CCDC148: variants seen among roughly 807,000 people sequenced by gnomAD.
CCDC148 encodes coiled-coil domain-containing protein 148.
Under a neutral mutation model 85.7 loss-of-function variants are expected in CCDC148, and 89 were observed. That is an observed-to-expected ratio of 1.04 (90% CI 0.87 to 1.24). The LOEUF (loss-of-function observed/expected upper bound fraction) is 1.24, where lower values mean the gene tolerates loss of function less well. CCDC148 is among the 50% of genes most tolerant of loss of function. CCDC148 has a pLI of 0.00. For synonymous variants in CCDC148, 230 were observed against 213.9 expected, an observed-to-expected ratio of 1.08 and a Z score of -0.66; for missense variants, 692 against 671.7, an observed-to-expected ratio of 1.03 and a Z score of -0.33.
chr2:158,311,650 T>C (rs1692025617), intron 8 of CCDC148, among the ~76,000 whole-genome samples: 1 of 152,238 alleles, frequency 6.6e-6, no homozygotes, highest in Admixed American at 6.5e-5. Context: ...TACATCAGTT[T>C]TGGTATTTTA....
chr2:158,280,410 C>G (rs1348375903), intron 9 of CCDC148, among the ~76,000 whole-genome samples: 2 of 151,714 alleles, frequency 1.3e-5, no homozygotes, highest in African/African-American at 2.4e-5. Context: ...CACACAGGCT[C>G]AAAATAAAGG....
At chr2:158,251,204 T>C (rs769235320) in intron 9 of CCDC148, among the ~76,000 whole-genome samples, 2 of 151,792 alleles carry the variant, frequency 1.3e-5, no homozygotes, top group Non-Finnish European at 2.9e-5. Context: ...TTCTCATAAA[T>C]AGTAAGTAAA....
chr2:158,212,275 G>A (rs964797802), intron 11 of CCDC148, among the ~76,000 whole-genome samples: 2 of 152,172 alleles, frequency 1.3e-5, no homozygotes, highest in Non-Finnish European at 2.9e-5. Context: ...ATCTCATGCT[G>A]AGAAGCAAAA....
At chr2:158,198,197 C>A (rs1167321920) in intron 11 of CCDC148, among the ~76,000 whole-genome samples, 1 of 152,124 alleles carries the variant, frequency 6.6e-6, no homozygotes, top group Non-Finnish European at 1.5e-5. Context: ...CCTGGCACCC[C>A]CTACCTGGTT....
chr2:158,403,550 C>A (rs1275652658), intron 1 of CCDC148, among the ~76,000 whole-genome samples: 1 of 151,990 alleles, frequency 6.6e-6, no homozygotes, highest in Non-Finnish European at 1.5e-5. Context: ...GTTCAGAAAC[C>A]TGACAGAGAG....
intron 11 of CCDC148, among the ~76,000 whole-genome samples, chr2:158,187,999 G>A (rs1265314756): frequency 6.6e-6 from 1 of 151,958 alleles, no homozygotes; most frequent in Non-Finnish European, 1.5e-5. Context: ...ATCTTCTTGT[G>A]CAAAGTTAGG....
At chr2:158,237,796 C>T (rs545728110) in intron 10 of CCDC148, among the ~76,000 whole-genome samples, 1 of 152,058 alleles carries the variant, frequency 6.6e-6, no homozygotes, top group Non-Finnish European at 1.5e-5. Context: ...AGAGGACTGA[C>T]CCCCACCCTG....
intron 11 of CCDC148, among the ~76,000 whole-genome samples, chr2:158,200,035 T>C (rs980217487): frequency 7.2e-5 from 11 of 152,142 alleles, no homozygotes; most frequent in Non-Finnish European, 7.3e-5. Flanking sequence ...TCACAGATCA[T>C]TGTGATGGCA....
chr2:158,340,322 C>T lies in CCDC148; in HGVS notation c.406G>A (p.Asp136Asn). 6.2e-7 allele frequency: 1 copy of T among 1,613,916 alleles called. No homozygotes were observed. ...VINPIQQLRADLKYRQHHTLQ... is the reference protein window; with the variant it reads ...VINPIQQLRANLKYRQHHTLQ... The stretch of plus-strand genomic sequence containing the variant: ...GTGTGATGCTGTCTGTATTTTAGAT[C>T]TGCTCTCAGCTGCTGAATAGGATTT... Residue 136 changes from aspartate to asparagine, a missense_variant, in exon 5 of 14, where the codon GAT becomes AAT. By Grantham distance (23) the Asp-to-Asn change is conservative. Coordinates refer to ENST00000283233, the MANE Select transcript of CCDC148 (RefSeq NM_138803.4).
chr2:158,219,464 G>A (rs1687058682), intron 11 of CCDC148, among the ~76,000 whole-genome samples: 1 of 152,134 alleles, frequency 6.6e-6, no homozygotes, highest in Non-Finnish European at 1.5e-5. Context: ...GCTGCTTGAA[G>A]GACACTGTAG....
intron 13 of CCDC148, among the ~76,000 whole-genome samples, chr2:158,173,524 T>C (rs1684417061): frequency 6.6e-6 from 1 of 152,064 alleles, no homozygotes; most frequent in African/African-American, 2.4e-5. Context: ...AGAGAGTGGT[T>C]AGGAATTTAC....
At chr2:158,433,640 G>A (rs2105334929) in intron 1 of CCDC148, among the ~76,000 whole-genome samples, 1 of 152,272 alleles carries the variant, frequency 6.6e-6, no homozygotes, top group African/African-American at 2.4e-5. Flanking sequence ...GACAGTGGGT[G>A]CAGCACACCA....
chr2:158,348,672 A>G (rs1375051570), intron 2 of CCDC148, among the ~76,000 whole-genome samples: 1 of 152,016 alleles, frequency 6.6e-6, no homozygotes, highest in Non-Finnish European at 1.5e-5. Context: ...ATTTGCTTCA[A>G]AACAATCTGG....
At chr2:158,212,435 A>T (rs1038409329) in intron 11 of CCDC148, among the ~76,000 whole-genome samples, 1 of 152,224 alleles carries the variant, frequency 6.6e-6, no homozygotes, top group African/African-American at 2.4e-5. Context: ...TTAAGAAAAG[A>T]CATGGAAAAT....
chr2:158,210,123 C>G (rs531036706), intron 11 of CCDC148, among the ~76,000 whole-genome samples: 18 of 152,120 alleles, frequency 1.2e-4, no homozygotes, highest in African/African-American at 4.3e-4. Flanking sequence ...GAATATTTAC[C>G]AAGCAAATGG....
chr2:158,400,784 G>C (rs1008836230), intron 1 of CCDC148, among the ~76,000 whole-genome samples: 1 of 151,992 alleles, frequency 6.6e-6, no homozygotes, highest in African/African-American at 2.4e-5. Flanking sequence ...CTACAGAATG[G>C]GAGAAAATTT....
intron 9 of CCDC148, among the ~76,000 whole-genome samples, chr2:158,269,985 A>G (rs1466661634): frequency 1.3e-5 from 2 of 152,152 alleles, no homozygotes; most frequent in Non-Finnish European, 2.9e-5. Flanking sequence ...AAGGAACACA[A>G]GTATGCATTT....
intron 10 of CCDC148, among the ~76,000 whole-genome samples, chr2:158,250,200 A>G (rs1320297237): frequency 6.6e-6 from 1 of 152,082 alleles, no homozygotes; most frequent in Non-Finnish European, 1.5e-5. Flanking sequence ...TGGATTATCA[A>G]CAATCACTTC....
chr2:158,205,638 C>T (rs1431094795), intron 11 of CCDC148, among the ~76,000 whole-genome samples: 1 of 139,350 alleles, frequency 7.2e-6, no homozygotes, highest in African/African-American at 2.6e-5. Context: ...TTTTCTTACT[C>T]CACATTAAAA....
Sources: allele counts gnomAD v4.1 joint callset (sites outside exome capture counted in the v4.1 genomes callset), GRCh38; gene constraint gnomAD v4.1.1; transcripts MANE v1.5; gene names NCBI Gene and HGNC (gene_info 2026-07-23, HGNC 2026-07-21).